Variants in RBM27 observed in about 807,000 individuals in gnomAD.
The protein encoded by RBM27 is RNA-binding protein 27.
A neutral mutation model predicts 135.3 loss-of-function variants in RBM27; 22 were observed. The observed-to-expected ratio is 0.16, with a 90% CI of 0.12 to 0.23. RBM27 has a LOEUF of 0.23. Among genes scored for constraint, RBM27 ranks in the 10% least tolerant of loss-of-function variants. RBM27 has a pLI of 1.00. For synonymous variants in RBM27, 481 were observed against 442.4 expected, an observed-to-expected ratio of 1.09 and a Z score of -1.10; for missense variants, 1,009 against 1,281.0, an observed-to-expected ratio of 0.79 and a Z score of 3.24.
At chr5:146,278,909 G>A (rs1318167547) in intron 19 of RBM27, among the ~76,000 whole-genome samples, 1 of 151,670 alleles carries the variant, frequency 6.6e-6, no homozygotes, top group East Asian at 2.0e-4. Flanking sequence ...TTTGAGTAGA[G>A]ACGGGGTTTC....
At chr5:146,275,372 G>A (rs1160425835) in intron 19 of RBM27, among the ~76,000 whole-genome samples, 1 of 151,886 alleles carries the variant, frequency 6.6e-6, no homozygotes, top group African/African-American at 2.4e-5. Context: ...CTAGGTTCAA[G>A]TGATTCACCT....
chr5:146,241,760 CTA>C (rs1757417274), intron 8 of RBM27, among the ~76,000 whole-genome samples: 1 of 152,034 alleles, frequency 6.6e-6, no homozygotes. Context: ...TGACCGGCCT[CTA>C]AACTCATTTT....
rs545817949 is a variant in RBM27 at position 146,251,745 on chromosome 5, T to C, written c.1314T>C (p.Ala438=). 1.2e-6 allele frequency: 2 copies of C among 1,613,096 alleles called. No individual in the cohort carries two copies. The highest frequency in any genetic ancestry group is 1.7e-6 in the Non-Finnish European group (2 of 1,179,124). ...QPMYSREHGA[A]ASERLQLGTP... Reference sequence around the variant, plus strand: ...TGTACTCTCGTGAACATGGTGCTGCTGCATCTGAGCGACTTCAGTTGGGGA... The same window carrying C: ...TGTACTCTCGTGAACATGGTGCTGCCGCATCTGAGCGACTTCAGTTGGGGA... The change falls in exon 9 of 21, where the codon GCT becomes GCC. Residue 438 remains alanine, a synonymous_variant. Coordinates refer to ENST00000265271, the MANE Select transcript of RBM27 (RefSeq NM_018989.2).
At chr5:146,282,293 A>T (rs944951123) in intron 19 of RBM27, among the ~76,000 whole-genome samples, 1 of 152,212 alleles carries the variant, frequency 6.6e-6, no homozygotes, top group African/African-American at 2.4e-5. Context: ...GGCGTGAGCC[A>T]CCGCACCCAG....
chr5:146,251,830 A>C lies in RBM27; in HGVS notation c.1399A>C (p.Ile467Leu). ...VPPRNLMGSS[I>L]GYHTSVSSPT... The stretch of plus-strand genomic sequence containing the variant: ...ACCTCGAAACCTCATGGGATCCTCC[A>C]TTGGATACCATACCTCAGTCTCCAG... The change falls in exon 9 of 21, where the codon ATT becomes CTT. Residue 467 changes from isoleucine (I) to leucine (L), a missense_variant. Physicochemically the swap from Ile to Leu is conservative, Grantham distance 5 (BLOSUM62 2). Around this residue, in one of 6 missense-constraint regions of RBM27, gnomAD observed 329 missense variants for 368.1 expected, o/e 0.89. Transcript: ENST00000265271. 1 of 1,614,078 alleles carries C rather than the reference A, an allele frequency of 6.2e-7. No homozygotes were observed. Among genetic ancestry groups the C allele is most frequent in the South Asian group, 1.1e-5 (1 of 91,072 alleles).
At chr5:146,257,902 C>T (rs1364420331) in intron 10 of RBM27, among the ~76,000 whole-genome samples, 4 of 152,008 alleles carry the variant, frequency 2.6e-5, no homozygotes, top group Admixed American at 1.3e-4. Context: ...CCACAACCTC[C>T]GTCTCCTGGG....
At position 146,254,991 on chromosome 5, in the gene RBM27, G is replaced by C; in HGVS notation, c.1493G>C (p.Ser498Thr). Reference sequence around the variant, plus strand: ...AACCCAGAAGCTCCTAGTATTACTAGTTCTGGTAGATCTCAGTACAGACAG... The same window carrying C: ...AACCCAGAAGCTCCTAGTATTACTACTTCTGGTAGATCTCAGTACAGACAG... Reference protein sequence around the residue: ...GYNPEAPSITSSGRSQYRQFF... With the variant: ...GYNPEAPSITTSGRSQYRQFF... The change falls in exon 10 of 21, where the codon AGT becomes ACT. Residue 498 changes from serine (S) to threonine (T), a missense_variant. By Grantham distance (58) the Ser-to-Thr change is moderately conservative. Coordinates refer to ENST00000265271, the MANE Select transcript of RBM27 (RefSeq NM_018989.2). 1 of 1,599,092 alleles carries C rather than the reference G, an allele frequency of 6.3e-7. No homozygotes were observed. Among genetic ancestry groups the C allele is most frequent in the Non-Finnish European group, 8.6e-7 (1 of 1,166,720 alleles).
intron 19 of RBM27, among the ~76,000 whole-genome samples, chr5:146,279,381 G>A (rs766840128): frequency 2.0e-5 from 3 of 151,664 alleles, no homozygotes; most frequent in African/African-American, 4.8e-5. Flanking sequence ...CCTGGGAGGC[G>A]GGTTACAGTG....
intron 3 of RBM27, among the ~76,000 whole-genome samples, chr5:146,227,499 A>T (rs1468114666): frequency 6.6e-6 from 1 of 152,176 alleles, no homozygotes; most frequent in East Asian, 1.9e-4. Flanking sequence ...TCCTAAGTCC[A>T]TTCACTCACT....
chr5:146,257,857 C>T (rs1248338993), intron 10 of RBM27, among the ~76,000 whole-genome samples: 1 of 151,052 alleles, frequency 6.6e-6, no homozygotes, highest in East Asian at 2.0e-4. Flanking sequence ...ACTCTTGTTG[C>T]CCAGGCTGGA....
At chr5:146,244,020 A>G (rs1757515496) in intron 8 of RBM27, among the ~76,000 whole-genome samples, 1 of 152,208 alleles carries the variant, frequency 6.6e-6, no homozygotes, top group Admixed American at 6.5e-5. Flanking sequence ...CCATTACAGT[A>G]TATTTTGCTA....
At chr5:146,224,846 G>C (rs1270720566) in intron 3 of RBM27, among the ~76,000 whole-genome samples, 1 of 151,970 alleles carries the variant, frequency 6.6e-6, no homozygotes, top group Non-Finnish European at 1.5e-5. Context: ...AGGTGGTCTA[G>C]ATATACTTAC....
chr5:146,213,093 T>C (rs1468218635), intron 1 of RBM27, among the ~76,000 whole-genome samples: 2 of 151,696 alleles, frequency 1.3e-5, no homozygotes, highest in Non-Finnish European at 2.9e-5. Context: ...TCAGAGAATA[T>C]GGATTTTTTT....
In RBM27 at chr5:146,211,464, C is replaced by CTTTTTTTTTTT. The variant is rs57117642; in HGVS notation, c.60-7501_60-7491dup. The stretch of plus-strand genomic sequence containing the variant: ...CTTACTTTGTCCAGTATGGTCTTAT[C>CTTTTTTTTTTT]TTTTTTTTTTTTTTTTTTTTTTTTT... On this transcript the variant is annotated intron_variant, in intron 1 of 20. Coordinates refer to ENST00000265271, the MANE Select transcript of RBM27 (RefSeq NM_018989.2). Among the ~76,000 whole-genome samples the CTTTTTTTTTTT allele has an allele frequency of 4.2e-4, 21 of 49,932 alleles. 2 individuals are homozygous for CTTTTTTTTTTT. The highest frequency in any genetic ancestry group is 2.3e-3 in the Admixed American group (6 of 2,576). The allele number at this position is 49,932 out of a possible 152,430, so 32.8% of individuals were successfully genotyped here.
chr5:146,220,718 A>G (rs1409376666), intron 2 of RBM27, among the ~76,000 whole-genome samples: 1 of 151,978 alleles, frequency 6.6e-6, no homozygotes, highest in African/African-American at 2.4e-5. Flanking sequence ...TACTGACAGA[A>G]TTTTTTCCCA....
At chr5:146,272,728 A>G (rs539684378) in intron 19 of RBM27, among the ~76,000 whole-genome samples, 1 of 152,302 alleles carries the variant, frequency 6.6e-6, no homozygotes, top group Non-Finnish European at 1.5e-5. Context: ...ATCTCAAAAA[A>G]AAAAAAAAAG....
At chr5:146,232,877 G>C (rs781093982) in intron 6 of RBM27, among the ~76,000 whole-genome samples, 6 of 152,096 alleles carry the variant, frequency 3.9e-5, no homozygotes, top group African/African-American at 1.2e-4. Flanking sequence ...CTGCTTCTTA[G>C]TATTCTTTAT....
At chr5:146,270,249 C>A (rs1287702924) in intron 17 of RBM27, among the ~76,000 whole-genome samples, 1 of 152,024 alleles carries the variant, frequency 6.6e-6, no homozygotes. Flanking sequence ...CACCACAGTT[C>A]TGTGGTGTGA....
chr5:146,279,396 G>A (rs1216911575), intron 19 of RBM27, among the ~76,000 whole-genome samples: 2 of 151,486 alleles, frequency 1.3e-5, no homozygotes, highest in Non-Finnish European at 2.9e-5. Flanking sequence ...ACAGTGAGCC[G>A]AGATCGCGCC....
Sources: gnomAD v4.1 joint callset for allele counts (sites outside exome capture counted in the v4.1 genomes callset) on GRCh38, gnomAD v4.1.1 for gene constraint, gnomAD v4.1.1 regional missense constraint, MANE v1.5 for transcripts, NCBI Gene and HGNC (gene_info 2026-07-23, HGNC 2026-07-21) for gene names.